Variants in PALS2 observed in about 807,000 individuals in gnomAD.
The protein encoded by PALS2 is protein associated with LIN7 2, MAGUK p55 family member, also known as protein PALS2.
Under a neutral mutation model 61.6 loss-of-function variants are expected in PALS2, and 27 were observed. That is an observed-to-expected ratio of 0.44 (90% CI 0.32 to 0.60). PALS2 has a LOEUF of 0.60. Ranked by LOEUF, PALS2 falls within the 20% of genes least tolerant of loss-of-function variation. The probability of loss-of-function intolerance (pLI) is 0.05; values close to 1 mark genes in which losing one functional copy is unlikely to be tolerated. For missense variants in PALS2, 554 were observed against 639.4 expected (o/e 0.87, Z 1.44); for synonymous variants, 236 against 218.6 (o/e 1.08, Z -0.70).
rs535027855 is a variant in PALS2 at position 24,676,917 on chromosome 7, G to T, written c.1115-2214G>T. ...GTTTTTTCGAATTCTGTGAAGAAAG[G>T]CATTGGTAGCTTGATGGGGATGGCA... is the stretch of plus-strand genomic sequence containing the variant. On this transcript the variant is annotated intron_variant, in intron 9 of 11. Coordinates refer to ENST00000222644, the MANE Select transcript of PALS2 (RefSeq NM_001303037.2). 4.1e-4 allele frequency among the ~76,000 whole-genome samples: 62 copies of T among 151,164 alleles called. 7 individuals are homozygous for T. The highest frequency in any genetic ancestry group is 1.1e-3 in the African/African-American group (46 of 40,480).
chr7:24,584,984 A>T lies in PALS2; in HGVS notation c.-3+11391A>T, dbSNP rs4301356. Among the ~76,000 whole-genome samples the T allele has an allele frequency of 2.0e-5, 3 of 150,334 alleles. No homozygotes were observed. In the East Asian group the frequency reaches 5.9e-4, roughly 29 times the overall value. ...GATCAGATAGTTGTAGATATGTGGC[A>T]TTATTTCTGAGGGCTCTGTTCTGTT... On this transcript the variant is annotated intron_variant, in intron 1 of 11. Transcript: ENST00000222644.
At chr7:24,603,275 C>A (rs1422551012) in intron 1 of PALS2, among the ~76,000 whole-genome samples, 1 of 152,062 alleles carries the variant, frequency 6.6e-6, no homozygotes, top group Non-Finnish European at 1.5e-5. Context: ...GCTTTGCTGC[C>A]CAAAAGTTGT....
chr7:24,642,893 GA>G (rs1785637375), intron 3 of PALS2, among the ~76,000 whole-genome samples: 1 of 152,272 alleles, frequency 6.6e-6, no homozygotes, highest in Admixed American at 6.5e-5. Flanking sequence ...TTTAGGTGTG[GA>G]GGGGGAGATG....
chr7:24,656,119 A>C (rs1786404885), intron 5 of PALS2, among the ~76,000 whole-genome samples: 1 of 152,108 alleles, frequency 6.6e-6, no homozygotes, highest in Non-Finnish European at 1.5e-5. Context: ...CCATCTTGTC[A>C]CTCACTCTGA....
rs1180195869 is a variant in PALS2 at position 24,648,386 on chromosome 7, G to A, written c.271-1226G>A. On this transcript the variant is annotated intron_variant, in intron 3 of 11. Transcript: ENST00000222644. ...CGGCTCACTGCAACCTCTGCCTCCC[G>A]GGTTCAAGCAGTTCTCCTGCCTCAG... Among the ~76,000 whole-genome samples the A allele has an allele frequency of 2.0e-4, 29 of 147,396 alleles. 1 individual carries two copies. Among genetic ancestry groups the A allele is most frequent in the Admixed American group, 9.0e-4 (13 of 14,482 alleles).
chr7:24,674,748 T>A (rs1423519264), intron 9 of PALS2: 1 of 152,222 alleles, frequency 6.6e-6, no homozygotes, highest in East Asian at 1.9e-4. Flanking sequence ...GATTTAACTT[T>A]CTTTATATAT....
At chr7:24,677,690 T>C (rs1005872143) in intron 9 of PALS2, among the ~76,000 whole-genome samples, 3 of 152,216 alleles carry the variant, frequency 2.0e-5, no homozygotes, top group African/African-American at 7.2e-5. Flanking sequence ...AGAAGTTTTA[T>C]TATACACACC....
intron 5 of PALS2, among the ~76,000 whole-genome samples, chr7:24,657,816 TA>T (rs1240388448): frequency 1.3e-5 from 2 of 152,206 alleles, no homozygotes; most frequent in Non-Finnish European, 2.9e-5. Context: ...CTACAAGTTT[TA>T]CAGTTCTATC....
chr7:24,574,933 G>A (rs1782590620), intron 1 of PALS2, among the ~76,000 whole-genome samples: 1 of 152,160 alleles, frequency 6.6e-6, no homozygotes, highest in African/African-American at 2.4e-5. Context: ...CAATGATAGG[G>A]TAGTGGGTAG....
At chr7:24,642,145 A>AGACCACAT (rs1206414478) in intron 3 of PALS2, among the ~76,000 whole-genome samples, 4 of 152,192 alleles carry the variant, frequency 2.6e-5, no homozygotes, top group African/African-American at 9.6e-5. Flanking sequence ...ATTCACCGTC[A>AGACCACAT]GACCACATGC....
intron 9 of PALS2, among the ~76,000 whole-genome samples, chr7:24,678,546 C>G (rs1173477177): frequency 6.6e-6 from 1 of 152,110 alleles, no homozygotes; most frequent in Non-Finnish European, 1.5e-5. Context: ...ATTGGTATCA[C>G]AACTAAGAAC....
At chr7:24,594,559 G>A (rs940813298) in intron 1 of PALS2, among the ~76,000 whole-genome samples, 2 of 152,050 alleles carry the variant, frequency 1.3e-5, no homozygotes, top group African/African-American at 2.4e-5. Context: ...TTATTAATTA[G>A]CCTCATTTCA....
At chr7:24,637,770 C>T (rs552484846) in intron 2 of PALS2, among the ~76,000 whole-genome samples, 4 of 152,266 alleles carry the variant, frequency 2.6e-5, no homozygotes, top group African/African-American at 9.6e-5. Context: ...ACATTTTCTT[C>T]TCTGAAGTTC....
At chr7:24,666,201 A>G in intron 8 of PALS2, 112 bp downstream of exon 8, 1 of 902,280 alleles carries the variant, frequency 1.1e-6, no homozygotes, top group Non-Finnish European at 1.7e-6. Flanking sequence ...ATTAGTACCT[A>G]GTTGCAAGGG....
intron 1 of PALS2, among the ~76,000 whole-genome samples, chr7:24,575,705 G>T (rs1782617849): frequency 6.6e-6 from 1 of 152,084 alleles, no homozygotes; most frequent in Non-Finnish European, 1.5e-5. Flanking sequence ...TGTAAAAATG[G>T]AGTAGCATCA....
intron 1 of PALS2, among the ~76,000 whole-genome samples, chr7:24,580,164 T>C (rs528515128): frequency 1.3e-5 from 2 of 152,306 alleles, no homozygotes; most frequent in East Asian, 1.9e-4. Context: ...TTTACTTAAA[T>C]GCATATTTCA....
At chr7:24,606,855 G>A (rs1358280484) in intron 1 of PALS2, among the ~76,000 whole-genome samples, 1 of 152,164 alleles carries the variant, frequency 6.6e-6, no homozygotes, top group Non-Finnish European at 1.5e-5. Flanking sequence ...TACATAATAA[G>A]TTGTCTGGGG....
Position 24,585,360 on chromosome 7 carries a change from C to T in PALS2, c.-3+11767C>T, listed in dbSNP as rs7780921. ...TCGTTGAGCAGTGGTTTGTAGTTCTCCTTGAAGAGGTCCTTCACATCCCTT... is the reference window on the plus strand; with the variant it reads ...TCGTTGAGCAGTGGTTTGTAGTTCTTCTTGAAGAGGTCCTTCACATCCCTT... On this transcript the variant is annotated intron_variant, in intron 1 of 11. Transcript: ENST00000222644. Among the ~76,000 whole-genome samples, 234 of 152,138 alleles carry T rather than the reference C, an allele frequency of 1.5e-3. 2 individuals carry two copies. The highest frequency in any genetic ancestry group is 5.4e-3 in the African/African-American group (225 of 41,498).
At chr7:24,574,427 C>T (rs1782572278) in intron 1 of PALS2, 1 of 151,550 alleles carries the variant, frequency 6.6e-6, no homozygotes, top group South Asian at 2.1e-4. Context: ...GACTTTTTAA[C>T]ACTTTACTGG....
Sources: allele counts gnomAD v4.1 joint callset (sites outside exome capture counted in the v4.1 genomes callset), GRCh38; gene constraint gnomAD v4.1.1; transcripts MANE v1.5; gene names NCBI Gene and HGNC (gene_info 2026-07-23, HGNC 2026-07-21).